The following MICU1 variants were observed in gnomAD, a reference collection of about 807,000 sequenced individuals.
MICU1 encodes calcium uptake protein 1, mitochondrial.
A neutral mutation model predicts 56.8 loss-of-function variants in MICU1; 45 were observed. The ratio of observed to expected loss-of-function variants is 0.79; its 90% CI spans 0.62 to 1.02. MICU1 has a LOEUF of 1.02. MICU1 is among the 50% of genes least tolerant of loss of function. The pLI is 0.00. For missense variants in MICU1, 504 were observed against 587.1 expected (o/e 0.86, Z 1.46); for synonymous variants, 186 against 195.1 (o/e 0.95, Z 0.39).
intron 10 of MICU1, among the ~76,000 whole-genome samples, chr10:72,379,059 A>C (rs1862619742): frequency 6.6e-6 from 1 of 152,220 alleles, no homozygotes; most frequent in African/African-American, 2.4e-5. Flanking sequence ...ATAGCGCTCT[A>C]GAGTTTAGAA....
At chr10:72,551,024 C>T (rs561604066) in intron 4 of MICU1, among the ~76,000 whole-genome samples, 155 bp downstream of exon 4, 16 of 152,202 alleles carry the variant, frequency 1.1e-4, no homozygotes, top group Admixed American at 9.8e-4. Context: ...CTCTTTTGTA[C>T]TCCTAAAGCC....
intron 1 of MICU1, among the ~76,000 whole-genome samples, chr10:72,576,958 A>G (rs1840762752): frequency 6.6e-6 from 1 of 152,216 alleles, no homozygotes; most frequent in African/African-American, 2.4e-5. Flanking sequence ...CAACAAGTGG[A>G]TAAAGAAAAT....
chr10:72,426,917 A>T (rs77406979), intron 8 of MICU1, among the ~76,000 whole-genome samples: 3,503 of 152,288 alleles, frequency 0.023, 122 homozygotes, highest in African/African-American at 0.081. Flanking sequence ...CAAAATTATC[A>T]TAATGTAGAA....
chr10:72,502,005 T>C (rs1589283930), intron 6 of MICU1, among the ~76,000 whole-genome samples: 1 of 152,204 alleles, frequency 6.6e-6, no homozygotes, highest in African/African-American at 2.4e-5. Context: ...TATGTAGTTG[T>C]TGACTTTTAT....
At chr10:72,605,492 C>T (rs1841662047) in intron 1 of MICU1, among the ~76,000 whole-genome samples, 1 of 152,234 alleles carries the variant, frequency 6.6e-6, no homozygotes, top group African/African-American at 2.4e-5. Context: ...GCTCACTTTA[C>T]TCTATGCTTG....
chr10:72,564,911 G>C (rs1163950264), intron 2 of MICU1, among the ~76,000 whole-genome samples: 1 of 152,112 alleles, frequency 6.6e-6, no homozygotes, highest in East Asian at 1.9e-4. Flanking sequence ...TACCAAGTCA[G>C]ACTAGAGGAA....
intron 10 of MICU1, among the ~76,000 whole-genome samples, chr10:72,393,449 A>T (rs1174944655): frequency 6.6e-6 from 1 of 152,210 alleles, no homozygotes; most frequent in Non-Finnish European, 1.5e-5. Flanking sequence ...TGAGGTAGAA[A>T]CAACCGATAC....
chr10:72,445,102 A>G (rs1329229727), intron 8 of MICU1, among the ~76,000 whole-genome samples: 6 of 152,220 alleles, frequency 3.9e-5, no homozygotes, highest in Non-Finnish European at 7.3e-5. Flanking sequence ...TATTCAGCTC[A>G]TATCTAAAAG....
chr10:72,532,868 C>G (rs749745157), intron 5 of MICU1: 4 of 1,155,648 alleles, frequency 3.5e-6, no homozygotes, highest in Non-Finnish European at 4.3e-6. Context: ...AAGAGCTCAA[C>G]ACTTATCTCT....
intron 9 of MICU1, among the ~76,000 whole-genome samples, chr10:72,415,003 C>T (rs1174868816): frequency 2.0e-5 from 3 of 149,570 alleles, no homozygotes; most frequent in African/African-American, 7.3e-5. Flanking sequence ...TCTGCTCAAT[C>T]TCCTGCTTAG....
intron 6 of MICU1, among the ~76,000 whole-genome samples, chr10:72,505,916 A>C (rs547542494): frequency 6.6e-6 from 1 of 152,052 alleles, no homozygotes; most frequent in African/African-American, 2.4e-5. Flanking sequence ...AGCATCACCC[A>C]ATATCATATA....
chr10:72,449,307 A>G (rs943432610), intron 8 of MICU1, among the ~76,000 whole-genome samples: 3 of 152,164 alleles, frequency 2.0e-5, no homozygotes, highest in Admixed American at 1.3e-4. Flanking sequence ...CTGAGGTACA[A>G]TAATTGCTTG....
chr10:72,556,385 G>C (rs375766256), intron 3 of MICU1, among the ~76,000 whole-genome samples: 2 of 152,058 alleles, frequency 1.3e-5, no homozygotes, highest in East Asian at 3.9e-4. Context: ...TTGTTGCCCA[G>C]GCTGCAGTAT....
intron 5 of MICU1, among the ~76,000 whole-genome samples, chr10:72,526,485 A>C (rs1867966730): frequency 6.6e-6 from 1 of 151,876 alleles, no homozygotes. Context: ...TAGTAGAGTT[A>C]GGGTTTCACC....
At chr10:72,425,478 C>T (rs1458986748) in intron 8 of MICU1, among the ~76,000 whole-genome samples, 1 of 152,200 alleles carries the variant, frequency 6.6e-6, no homozygotes, top group African/African-American at 2.4e-5. Context: ...TGCAGATGCC[C>T]AAGCAGCAAT....
chr10:72,524,519 T>C (rs899356450), intron 5 of MICU1, among the ~76,000 whole-genome samples: 3 of 152,246 alleles, frequency 2.0e-5, no homozygotes, highest in African/African-American at 4.8e-5. Context: ...AACTTCCTTT[T>C]AAATCATGCT....
intron 8 of MICU1, among the ~76,000 whole-genome samples, chr10:72,434,543 A>G (rs183753205): frequency 3.5e-4 from 54 of 152,208 alleles, no homozygotes; most frequent in Non-Finnish European, 1.5e-4. Flanking sequence ...TGTGTTACAT[A>G]CTTCTCTGAG....
chr10:72,604,064 G>GACAC (rs140410333), intron 1 of MICU1, among the ~76,000 whole-genome samples: 151 of 149,888 alleles, frequency 1.0e-3, no homozygotes, highest in African/African-American at 2.9e-3. Flanking sequence ...TTTACACAAA[G>GACAC]ACACACACAC....
intron 1 of MICU1, among the ~76,000 whole-genome samples, chr10:72,581,996 C>T (rs572948148): frequency 2.6e-5 from 4 of 152,302 alleles, no homozygotes; most frequent in African/African-American, 4.8e-5. Flanking sequence ...ATGGCGCGAT[C>T]TCAGCTCACT....
Sources: allele counts gnomAD v4.1 joint callset (sites outside exome capture counted in the v4.1 genomes callset), GRCh38; gene constraint gnomAD v4.1.1; transcripts MANE v1.5; gene names NCBI Gene and HGNC (gene_info 2026-07-23, HGNC 2026-07-21).